Variants in RGR observed in about 807,000 individuals in gnomAD.
The protein encoded by RGR is RPE-retinal G protein-coupled receptor.
A neutral mutation model predicts 28.6 loss-of-function variants in RGR; 30 were observed. The observed-to-expected ratio is 1.05, with a 90% CI of 0.78 to 1.42. The LOEUF is 1.42. Among genes scored for constraint, RGR ranks in the 40% most tolerant of loss-of-function variants. The pLI, the probability that RGR is intolerant of heterozygous loss-of-function variation, is 0.00. For synonymous variants in RGR, 180 were observed against 156.4 expected, an observed-to-expected ratio of 1.15 and a Z score of -1.13; for missense variants, 404 against 375.6, an observed-to-expected ratio of 1.08 and a Z score of -0.62.
intron 1 of RGR, 41 bp from the exon 2 acceptor site, chr10:84,247,550 G>C (rs1214023811): frequency 3.7e-6 from 6 of 1,612,924 alleles, no homozygotes; most frequent in Non-Finnish European, 4.2e-6. Context: ...CCCCAGCTGG[G>C]CCTCAGCAGC....
At chr10:84,248,559 CTT>C in intron 2 of RGR, 1 of 368,346 alleles carries the variant, frequency 2.7e-6, no homozygotes, top group South Asian at 2.7e-5. Context: ...TCCCCTCTGA[CTT>C]TGCCTTCATC....
chr10:84,247,857 C>A, intron 2 of RGR, 110 bp downstream of exon 2: 1 of 1,512,046 alleles, frequency 6.6e-7, no homozygotes, highest in Non-Finnish European at 9.1e-7. Context: ...GAAAATTGGC[C>A]AAGGGCAGAG....
At chr10:84,253,347 T>C (rs972117408) in intron 4 of RGR, among the ~76,000 whole-genome samples, 1 of 152,222 alleles carries the variant, frequency 6.6e-6, no homozygotes, top group African/African-American at 2.4e-5. Flanking sequence ...TCGACCATCA[T>C]GGCTCTGACC....
chr10:84,258,347 C>T (rs369639979), intron 6 of RGR, among the ~76,000 whole-genome samples, 161 bp from the exon 7 acceptor site: 4 of 152,092 alleles, frequency 2.6e-5, no homozygotes, highest in East Asian at 1.9e-4. Context: ...CCATGGACTC[C>T]GTGAGCCATG....
chr10:84,258,567 C>T lies in RGR; in HGVS notation c.804C>T (p.Gly268=), dbSNP rs1266604811. 1 of 1,614,118 alleles carries T rather than the reference C, an allele frequency of 6.2e-7. No individual in the cohort carries two copies. The highest frequency in any genetic ancestry group is 8.5e-7 in the Non-Finnish European group (1 of 1,180,060). The change falls in exon 7 of 7, where the codon GGC becomes GGT. Residue 268 remains glycine (G), a synonymous_variant. Coordinates refer to ENST00000652092, the MANE Select transcript of RGR (RefSeq NM_001012720.2). ...PTINAINYAL[G]NEMVCRGIWQ... is the part of the protein sequence containing the mutation. ...TCAATGCCATCAACTATGCCCTGGG[C>T]AATGAGATGGTCTGCAGGGGAATCT...
intron 5 of RGR, among the ~76,000 whole-genome samples, chr10:84,256,055 CTTTCTTT>C (rs1842881887): frequency 2.9e-4 from 19 of 66,450 alleles, no homozygotes; most frequent in South Asian, 4.2e-4. Flanking sequence ...TTTTTTTTTC[CTTTCTTT>C]TTTTTTTTTT....
intron 3 of RGR, chr10:84,250,242 G>T: frequency 3.0e-6 from 2 of 671,966 alleles, no homozygotes; most frequent in East Asian, 2.8e-5. Context: ...CTGCTGTGAG[G>T]TCTATAGCCA....
chr10:84,258,488 G>A lies in RGR; in HGVS notation c.745-20G>A, dbSNP rs1228965108. 1.2e-6 allele frequency: 2 copies of A among 1,614,000 alleles called. No individual in the cohort carries two copies. Among genetic ancestry groups the A allele is most frequent in the Non-Finnish European group, 1.7e-6 (2 of 1,180,024 alleles). On this transcript the variant is annotated intron_variant, in intron 6 of 6. Transcript: ENST00000652092. Reference sequence around the variant, plus strand: ...TCAGTGGCTTTGAAGCTTCTTTTCTGGACTTTTCTGCCACAACAGGTGCCC... The same window carrying A: ...TCAGTGGCTTTGAAGCTTCTTTTCTAGACTTTTCTGCCACAACAGGTGCCC...
Position 84,258,892 on chromosome 10 carries a change from A to C in RGR, c.*253A>C. On this transcript the variant is annotated 3_prime_UTR_variant, in exon 7 of 7. Transcript: ENST00000652092. ...AAGTCATTCCTTTTTAAAAATAATA[A>C]TAAATGTAAGGGGGTACAGTGCAGT... 2 of 504,474 alleles carry C rather than the reference A, an allele frequency of 4.0e-6. No homozygotes were observed. The highest frequency in any genetic ancestry group is 3.2e-5 in the Admixed American group (1 of 31,058). The allele number at this position is 504,474 out of a possible 1,614,324, so 31.2% of individuals were successfully genotyped here. A position where few individuals can be genotyped will look rare whatever the true frequency, so the allele number is the denominator to read the frequency against.
chr10:84,247,523 C>G (rs755418093), intron 1 of RGR, 68 bp from the exon 2 acceptor site: 2 of 1,580,258 alleles, frequency 1.3e-6, no homozygotes, highest in Non-Finnish European at 1.7e-6. Context: ...CCATCCACCC[C>G]ACACACACTG....
In RGR at chr10:84,245,159, A is replaced by G. The variant is rs1375075489; in HGVS notation, c.69A>G (p.Leu23=). Residue 23 remains leucine, a synonymous_variant, in exon 1 of 7, where the codon CTA becomes CTG. Transcript: ENST00000652092. ...AGGTGCTGGCTGTGGGGATGGTGCT[A>G]CTGGTGGAAGGTGAGCCAGGCAGAA... ...ELEVLAVGMV[L]LVEALSGLSL... is the part of the protein sequence containing the mutation. The G allele has an allele frequency of 1.3e-5, 21 of 1,612,684 alleles. No homozygotes were observed. Among genetic ancestry groups the G allele is most frequent in the Non-Finnish European group, 1.8e-5 (21 of 1,179,650 alleles).
chr10:84,247,814 G>T, intron 2 of RGR, 67 bp downstream of exon 2: 1 of 1,610,946 alleles, frequency 6.2e-7, no homozygotes, highest in Non-Finnish European at 8.5e-7. Context: ...TGGGCCCTGG[G>T]CAGCCAGGCC....
intron 3 of RGR, among the ~76,000 whole-genome samples, chr10:84,250,029 A>G (rs1399016347): frequency 2.0e-5 from 3 of 152,134 alleles, no homozygotes; most frequent in South Asian, 4.1e-4. Context: ...ACCATCTAGA[A>G]CCCTGTTTAC....
chr10:84,254,389 G>C lies in RGR; in HGVS notation c.576G>C (p.Thr192=), dbSNP rs752236209. ...ACTTCGCCATGCCCCTCTTCATCAC[G>C]ATCACTTCCTACAGTCTCATGGAGC... ...FFNFAMPLFI[T]ITSYSLMEQK... The change falls in exon 5 of 7, where the codon ACG becomes ACC. Residue 192 remains threonine (T), a synonymous_variant. Transcript: ENST00000652092. 7 of 1,613,892 alleles carry C rather than the reference G, an allele frequency of 4.3e-6. No individual in the cohort carries two copies. In the African/African-American group the frequency reaches 8.0e-5, roughly 18 times the overall value.
chr10:84,247,951 C>A, intron 2 of RGR: 1 of 776,054 alleles, frequency 1.3e-6, no homozygotes, highest in Non-Finnish European at 2.1e-6. Context: ...TTGCTGAAAC[C>A]TGATGAAAGA....
chr10:84,249,767 C>A (rs530289307), intron 3 of RGR, among the ~76,000 whole-genome samples: 82 of 152,378 alleles, frequency 5.4e-4, no homozygotes, highest in African/African-American at 1.8e-3. Flanking sequence ...GCACCCCACA[C>A]TTCCATGAGG....
At position 84,253,661 on chromosome 10, in the gene RGR, G is replaced by A. The variant is rs1193706815; in HGVS notation, c.512+651G>A. Reference sequence around the variant, plus strand: ...TGCATTCATCTGCTTTACCCATGGTGTTTAATCATGAGGCATCTGCACTGG... The same window carrying A: ...TGCATTCATCTGCTTTACCCATGGTATTTAATCATGAGGCATCTGCACTGG... On this transcript the variant is annotated intron_variant, in intron 4 of 6. Coordinates refer to ENST00000652092, the MANE Select transcript of RGR (RefSeq NM_001012720.2). 2.6e-5 allele frequency among the ~76,000 whole-genome samples: 4 copies of A among 152,206 alleles called. No homozygotes were observed. In the East Asian group the frequency reaches 7.7e-4, roughly 29 times the overall value.
chr10:84,248,106 C>A, intron 2 of RGR: 1 of 627,074 alleles, frequency 1.6e-6, no homozygotes, highest in Non-Finnish European at 2.5e-6. Flanking sequence ...GAAGTATTTA[C>A]TTCTATTATG....
At chr10:84,250,037 T>G (rs1383805935) in intron 3 of RGR, among the ~76,000 whole-genome samples, 1 of 152,212 alleles carries the variant, frequency 6.6e-6, no homozygotes, top group Non-Finnish European at 1.5e-5. Flanking sequence ...GAACCCTGTT[T>G]ACCACCAGGG....
Sources: allele counts gnomAD v4.1 joint callset (sites outside exome capture counted in the v4.1 genomes callset), GRCh38; gene constraint gnomAD v4.1.1; transcripts MANE v1.5; gene names NCBI Gene and HGNC (gene_info 2026-07-23, HGNC 2026-07-21).